The following SMARCB1 variants were observed in gnomAD, a reference collection of about 807,000 sequenced individuals.
The protein encoded by SMARCB1 is SWI/SNF related BAF chromatin remodeling complex subunit B1, also known as SWI/SNF-related matrix-associated actin-dependent regulator of chromatin subfamily B member 1.
SMARCB1 carries 5 observed loss-of-function variants against 49.0 expected under a neutral mutation model. The observed-to-expected ratio is 0.10, with a 90% CI of 0.05 to 0.21. The LOEUF is 0.21. Among genes scored for constraint, SMARCB1 ranks in the 10% least tolerant of loss-of-function variants. The probability of loss-of-function intolerance (pLI) is 1.00; values close to 1 mark genes in which losing one functional copy is unlikely to be tolerated. For synonymous variants in SMARCB1, 201 were observed against 200.1 expected (o/e 1.00, Z -0.04); for missense variants, 226 against 509.2 (o/e 0.44, Z 5.35).
chr22:23,794,822 C>T (rs897216364), intron 3 of SMARCB1, among the ~76,000 whole-genome samples: 2 of 152,008 alleles, frequency 1.3e-5, no homozygotes, highest in African/African-American at 4.8e-5. Flanking sequence ...TGCTTGAACC[C>T]GGGAGGTGGA....
chr22:23,836,367 GA>G lies in SMARCB1; in HGVS notation c.*2189del. Reference sequence around the variant, plus strand: ...ATCAGCCTGAAGGCACCACTGGCAGGAACATCTGTAGGCTGGTTTGGCACAA... The same window carrying G: ...ATCAGCCTGAAGGCACCACTGGCAGGACATCTGTAGGCTGGTTTGGCACAA... On this transcript the variant is annotated 3_prime_UTR_variant, in exon 9 of 9. Transcript: ENST00000644036. The G allele has an allele frequency of 1.0e-6, 1 of 985,456 alleles. No individual in the cohort carries two copies. The highest frequency in any genetic ancestry group is 4.7e-5 in the South Asian group (1 of 21,294). The allele number at this position is 985,456 out of a possible 1,614,324, so 61.0% of individuals were successfully genotyped here. A position where few individuals can be genotyped will look rare whatever the true frequency, so the allele number is the denominator to read the frequency against.
chr22:23,834,813 C>T lies in SMARCB1; in HGVS notation c.*633C>T. ...TTTCAGGAACAGCCCTAACCCTGCT[C>T]CCCTTGCTTGGCCTCAGGAAGGTGC... On this transcript the variant is annotated 3_prime_UTR_variant, in exon 9 of 9. Transcript: ENST00000644036. 3 of 1,607,968 alleles carry T rather than the reference C, an allele frequency of 1.9e-6. No homozygotes were observed. Among genetic ancestry groups the T allele is most frequent in the African/African-American group, 1.3e-5 (1 of 75,012 alleles).
At chr22:23,801,576 C>G (rs933518661) in intron 4 of SMARCB1, 15 of 362,270 alleles carry the variant, frequency 4.1e-5, no homozygotes, top group South Asian at 2.9e-4. Context: ...GGGCCATGCT[C>G]CCTCCAGAGG....
chr22:23,837,628 T>G lies in SMARCB1; in HGVS notation c.*3448T>G, dbSNP rs758260338. 1 of 1,600,438 alleles carries G rather than the reference T, an allele frequency of 6.2e-7. No individual in the cohort carries two copies. Among genetic ancestry groups the G allele is most frequent in the East Asian group, 2.2e-5 (1 of 44,652 alleles). ...CGTGTCCTGAGGGGAGTGGCCAGCC[T>G]GGGGCGGACTAGATGTACCGGGAGG... On this transcript the variant is annotated 3_prime_UTR_variant, in exon 9 of 9. Coordinates refer to ENST00000644036, the MANE Select transcript of SMARCB1 (RefSeq NM_003073.5).
At chr22:23,824,766 C>T (rs977049208) in intron 6 of SMARCB1, 16 of 218,038 alleles carry the variant, frequency 7.3e-5, no homozygotes, top group East Asian at 5.3e-4. Context: ...TCTGTGAACA[C>T]GCTAGGCAGG....
At chr22:23,803,576 A>C (rs188967189) in intron 5 of SMARCB1, 154 bp downstream of exon 5, 8 of 845,278 alleles carry the variant, frequency 9.5e-6, no homozygotes, top group Admixed American at 6.0e-5. Flanking sequence ...CTCTGGGTTC[A>C]GTCCTGGTTC....
At position 23,787,850 on chromosome 22, in the gene SMARCB1, T is replaced by A. The variant is rs530807638; in HGVS notation, c.93+588T>A. ...GGGCCCCATGCCTAAGCTAGATCTT[T>A]CAGCAGTTCTGAAGCGATTGACACT... On this transcript the variant is annotated intron_variant, in intron 1 of 8. Transcript: ENST00000644036. 3.9e-5 allele frequency among the ~76,000 whole-genome samples: 6 copies of A among 152,318 alleles called. No homozygotes were observed. In the East Asian group the frequency reaches 1.2e-3, roughly 29 times the overall value.
At chr22:23,791,461 C>A (rs1333005091) in intron 1 of SMARCB1, among the ~76,000 whole-genome samples, 1 of 152,226 alleles carries the variant, frequency 6.6e-6, no homozygotes, top group Non-Finnish European at 1.5e-5. Flanking sequence ...GATCCTTAGT[C>A]CAAAATCAAA....
rs35483188 is a variant in SMARCB1 at position 23,836,009 on chromosome 22, C to T, written c.*1829C>T. ...GAGGAGGCCCCGTGCCACTGAGCAT[C>T]CAGAAATAAACCACAACATGGACAG... On this transcript the variant is annotated 3_prime_UTR_variant, in exon 9 of 9. Transcript: ENST00000644036. 1.1e-3 allele frequency: 1,065 copies of T among 985,482 alleles called. 8 individuals carry two copies. The African/African-American group carries it at 0.017, about 16-fold the overall frequency. The allele number at this position is 985,482 out of a possible 1,614,324, so 61.0% of individuals were successfully genotyped here. A position where few individuals can be genotyped will look rare whatever the true frequency, so the allele number is the denominator to read the frequency against.
At chr22:23,814,202 A>G (rs975406101) in intron 5 of SMARCB1, among the ~76,000 whole-genome samples, 4 of 152,210 alleles carry the variant, frequency 2.6e-5, no homozygotes, top group Non-Finnish European at 4.4e-5. Flanking sequence ...TAGCTACGAT[A>G]ATCAAGGCTG....
At chr22:23,798,739 C>G (rs936678287) in intron 3 of SMARCB1, among the ~76,000 whole-genome samples, 2 of 152,148 alleles carry the variant, frequency 1.3e-5, no homozygotes, top group African/African-American at 4.8e-5. Context: ...TCCCGGGTCC[C>G]TCCTTAGAGG....
intron 5 of SMARCB1, among the ~76,000 whole-genome samples, chr22:23,806,712 A>G (rs5760034): frequency 0.48 from 73,482 of 151,868 alleles, 20,346 homozygotes; most frequent in Admixed American, 0.61. Context: ...ACTTGAGGCC[A>G]GGAGTTTGAG....
intron 7 of SMARCB1, 86 bp downstream of exon 7, chr22:23,825,501 T>C (rs760381148): frequency 2.5e-5 from 31 of 1,232,534 alleles, no homozygotes; most frequent in Non-Finnish European, 3.5e-5. Flanking sequence ...GGTGATACCT[T>C]TGAGGCTTTC....
chr22:23,815,729 T>G (rs1431054665), intron 5 of SMARCB1: 1 of 152,226 alleles, frequency 6.6e-6, no homozygotes, highest in East Asian at 1.9e-4. Context: ...CCACAGAATG[T>G]CACTTGGCAG....
At chr22:23,809,468 G>A (rs5751742) in intron 5 of SMARCB1, among the ~76,000 whole-genome samples, 1 of 151,586 alleles carries the variant, frequency 6.6e-6, no homozygotes, top group Non-Finnish European at 1.5e-5. Flanking sequence ...GTAGAGAGGG[G>A]TTTCTCCATG....
In SMARCB1 at chr22:23,797,036, C is replaced by T. The variant is rs1371129977; in HGVS notation, c.362+3348C>T. Among the ~76,000 whole-genome samples the T allele has an allele frequency of 6.9e-5, 10 of 144,718 alleles. No homozygotes were observed. The South Asian group carries it at 8.9e-4, about 13-fold the overall frequency. 94.9% of individuals were successfully genotyped at this position (144,718 alleles called of 152,430 possible). A position where few individuals can be genotyped will look rare whatever the true frequency, so the allele number is the denominator to read the frequency against. On this transcript the variant is annotated intron_variant, in intron 3 of 8. Coordinates refer to ENST00000644036, the MANE Select transcript of SMARCB1 (RefSeq NM_003073.5). ...TTTTTTTGAGACGGAGTCTCGCTGT[C>T]GCCCAGGCTGGAGTGCAGTGGCGCA...
intron 7 of SMARCB1, among the ~76,000 whole-genome samples, chr22:23,832,458 T>C (rs2030704267): frequency 6.6e-6 from 1 of 152,110 alleles, no homozygotes; most frequent in Non-Finnish European, 1.5e-5. Flanking sequence ...GGCCGCAGGC[T>C]GGCAGGGTGT....
At chr22:23,802,266 C>G (rs1300045532) in intron 4 of SMARCB1, 1 of 152,758 alleles carries the variant, frequency 6.5e-6, no homozygotes, top group African/African-American at 2.4e-5. Context: ...GCACTCTGCC[C>G]CACTCACCCT....
At chr22:23,812,691 A>G (rs1444999784) in intron 5 of SMARCB1, among the ~76,000 whole-genome samples, 2 of 152,212 alleles carry the variant, frequency 1.3e-5, no homozygotes, top group African/African-American at 4.8e-5. Flanking sequence ...CAATCAATGT[A>G]ATCCACCATA....
Sources: allele counts gnomAD v4.1 joint callset (sites outside exome capture counted in the v4.1 genomes callset), GRCh38; gene constraint gnomAD v4.1.1; transcripts MANE v1.5; gene names NCBI Gene and HGNC (gene_info 2026-07-23, HGNC 2026-07-21).